The following DPP8 variants were observed in gnomAD, a reference collection of about 807,000 sequenced individuals.
The protein encoded by DPP8 is dipeptidyl peptidase 8.
Under a neutral mutation model 107.5 loss-of-function variants are expected in DPP8, and 31 were observed. The observed-to-expected ratio is 0.29, with a 90% CI of 0.22 to 0.39. DPP8 has a LOEUF of 0.39. Among genes scored for constraint, DPP8 ranks in the 10% least tolerant of loss-of-function variants. The probability of loss-of-function intolerance (pLI) is 1.00; values close to 1 mark genes in which losing one functional copy is unlikely to be tolerated. For missense variants in DPP8, 842 were observed against 1,076.1 expected (o/e 0.78, Z 3.04); for synonymous variants, 381 against 356.6 (o/e 1.07, Z -0.77).
chr15:65,500,462 T>G, intron 4 of DPP8, 144 bp downstream of exon 4: 11 of 634,708 alleles, frequency 1.7e-5, no homozygotes, highest in East Asian at 2.7e-5. Flanking sequence ...CCAATCTCCA[T>G]GTTTCTTGTT....
chr15:65,516,132 G>A (rs960370110), intron 1 of DPP8: 9 of 236,144 alleles, frequency 3.8e-5, no homozygotes, highest in Non-Finnish European at 7.2e-5. Flanking sequence ...CATCAAAAAC[G>A]GCATATGATT....
chr15:65,476,786 C>T (rs1380867835), intron 11 of DPP8, among the ~76,000 whole-genome samples: 1 of 152,142 alleles, frequency 6.6e-6, no homozygotes, highest in Non-Finnish European at 1.5e-5. Context: ...AAGGTGGAAC[C>T]AATCCCAGTG....
At chr15:65,500,502 G>T in intron 4 of DPP8, 104 bp downstream of exon 4, 1 of 830,776 alleles carries the variant, frequency 1.2e-6, no homozygotes. Flanking sequence ...TTTGTTGGTG[G>T]GTAAACTGAA....
At chr15:65,479,850 C>CAAAA (rs56303808) in intron 10 of DPP8, among the ~76,000 whole-genome samples, 11 of 66,774 alleles carry the variant, frequency 1.6e-4, no homozygotes, top group Non-Finnish European at 2.7e-4. Context: ...GACTCCGTCT[C>CAAAA]AAAAAAAAAA....
chr15:65,490,428 T>C, intron 5 of DPP8, 129 bp from the exon 6 acceptor site: 1 of 678,332 alleles, frequency 1.5e-6, no homozygotes, highest in Non-Finnish European at 2.6e-6. Flanking sequence ...ACGGACTGAG[T>C]TCAAATCTGG....
At chr15:65,490,518 C>T (rs2067920892) in intron 5 of DPP8, among the ~76,000 whole-genome samples, 1 of 151,410 alleles carries the variant, frequency 6.6e-6, no homozygotes, top group Non-Finnish European at 1.5e-5. Flanking sequence ...GAAAAGGCTA[C>T]CTTGTGAGGT....
At position 65,512,398 on chromosome 15, in the gene DPP8, G is replaced by A. The variant is rs1403077769; in HGVS notation, c.156C>T (p.Thr52=). The A allele has an allele frequency of 6.2e-7, 1 of 1,613,884 alleles. No homozygotes were observed. Among genetic ancestry groups the A allele is most frequent in the Non-Finnish European group, 8.5e-7 (1 of 1,180,004 alleles). The part of the protein sequence containing the change: ...WSQLKKLLAD[T]RKYHGYMMAK... ...CCATCATGTAGCCATGATATTTTCT[G>A]GTATCGGCAAGCAGCTTTTTAAGCT... is the stretch of plus-strand genomic sequence containing the variant. Residue 52 remains threonine (T), a synonymous_variant, in exon 2 of 20, where the codon ACC becomes ACT. Transcript: ENST00000300141.
rs566384246 is a variant in DPP8 at position 65,513,372 on chromosome 15, C to T, written c.-11-808G>A. 2.6e-5 allele frequency among the ~76,000 whole-genome samples: 4 copies of T among 152,298 alleles called. No homozygotes were observed. In the South Asian group the frequency reaches 8.3e-4, roughly 32 times the overall value. On this transcript the variant is annotated intron_variant, in intron 1 of 19. Transcript: ENST00000300141. The stretch of plus-strand genomic sequence containing the variant: ...GGATTACAGGCATGCACCACAACGC[C>T]CGGCTAATTTTTTGTATTTTTAGTA...
intron 5 of DPP8, among the ~76,000 whole-genome samples, chr15:65,491,067 A>G (rs1038806056): frequency 6.6e-6 from 1 of 150,448 alleles, no homozygotes; most frequent in East Asian, 2.0e-4. Context: ...CTGAGGCAGG[A>G]GAATCGCTTG....
intron 4 of DPP8, among the ~76,000 whole-genome samples, chr15:65,499,343 G>A (rs375362191): frequency 2.0e-5 from 3 of 151,350 alleles, no homozygotes; most frequent in South Asian, 2.1e-4. Context: ...AGCAATTCTC[G>A]TGCTTCAGCC....
At chr15:65,456,109 C>CTT in intron 16 of DPP8, 116 bp downstream of exon 16, 1 of 1,110,336 alleles carries the variant, frequency 9.0e-7, no homozygotes, top group Non-Finnish European at 1.2e-6. Flanking sequence ...AACACATACA[C>CTT]TCTCACTCAC....
intron 12 of DPP8, among the ~76,000 whole-genome samples, chr15:65,471,361 G>A (rs1162245450): frequency 2.0e-5 from 3 of 152,064 alleles, no homozygotes; most frequent in African/African-American, 7.2e-5. Context: ...TGTTGCTGTT[G>A]TTTTGAGGCG....
chr15:65,478,797 C>T (rs1302029193), intron 11 of DPP8, 83 bp downstream of exon 11: 2 of 927,106 alleles, frequency 2.2e-6, no homozygotes, highest in African/African-American at 1.7e-5. Flanking sequence ...GCTTATAAAG[C>T]ATGCAAAAGA....
chr15:65,478,788 C>T, intron 11 of DPP8, 92 bp downstream of exon 11: 1 of 860,118 alleles, frequency 1.2e-6, no homozygotes, highest in Non-Finnish European at 1.8e-6. Flanking sequence ...AGTATTGATG[C>T]TTATAAAGCA....
In DPP8 at chr15:65,507,731, T is replaced by C. The variant is rs544172316; in HGVS notation, c.260-376A>G. ...AGGTTTCATTTTGGTATTCAGATCT[T>C]AGTCCCTCTCAAAATAAATATAAAA... On this transcript the variant is annotated intron_variant, in intron 2 of 19. Transcript: ENST00000300141. Among the ~76,000 whole-genome samples, 36 of 152,088 alleles carry C rather than the reference T, an allele frequency of 2.4e-4. No homozygotes were observed. The East Asian group carries it at 3.9e-3, about 16-fold the overall frequency.
chr15:65,502,417 C>T (rs1209919885), intron 3 of DPP8, among the ~76,000 whole-genome samples: 2 of 151,964 alleles, frequency 1.3e-5, no homozygotes, highest in African/African-American at 2.4e-5. Context: ...GTGGCTCATG[C>T]CTGTAATCCC....
chr15:65,504,794 C>G (rs1007504488), intron 3 of DPP8, among the ~76,000 whole-genome samples: 6 of 151,408 alleles, frequency 4.0e-5, no homozygotes, highest in African/African-American at 1.5e-4. Context: ...CCACCCTGGG[C>G]AGCACAGTGA....
intron 3 of DPP8, among the ~76,000 whole-genome samples, chr15:65,505,130 C>A (rs985700990): frequency 6.6e-6 from 1 of 151,674 alleles, no homozygotes; most frequent in Non-Finnish European, 1.5e-5. Flanking sequence ...CCGAGGCAGG[C>A]GGATCACGAG....
intron 5 of DPP8, 46 bp downstream of exon 5, chr15:65,497,818 C>A: frequency 2.2e-6 from 3 of 1,357,604 alleles, no homozygotes; most frequent in Non-Finnish European, 2.9e-6. Flanking sequence ...AATTATACTT[C>A]AAAAAATACT....
Sources: allele counts gnomAD v4.1 joint callset (sites outside exome capture counted in the v4.1 genomes callset), GRCh38; gene constraint gnomAD v4.1.1; transcripts MANE v1.5; gene names NCBI Gene and HGNC (gene_info 2026-07-23, HGNC 2026-07-21).